The following ATAD2B variants were observed in gnomAD, a reference collection of about 807,000 sequenced individuals.
ATAD2B encodes ATPase family AAA domain containing 2B, also known as ATPase family AAA domain-containing protein 2B.
ATAD2B carries 40 observed loss-of-function variants against 167.6 expected under a neutral mutation model. The observed-to-expected ratio is 0.24, with a 90% confidence interval of 0.19 to 0.31. The LOEUF is 0.31. Ranked by LOEUF, ATAD2B falls within the 10% of genes least tolerant of loss-of-function variation. The pLI, the probability that ATAD2B is intolerant of heterozygous loss-of-function variation, is 1.00. For synonymous variants in ATAD2B, 579 were observed against 596.5 expected, an observed-to-expected ratio of 0.97 and a Z score of 0.43; for missense variants, 1,242 against 1,757.2, an observed-to-expected ratio of 0.71 and a Z score of 5.24.
chr2:23,714,405 A>ATTT, the ATAD2B span, among the ~76,000 whole-genome samples: 2 of 64,862 alleles, frequency 3.1e-5, no homozygotes, highest in Admixed American at 2.0e-4. Context: ...ACGCCCGGCA[A>ATTT]ATTTTTTTTT....
chr2:23,830,858 GT>G (rs1261353195), intron 14 of ATAD2B, among the ~76,000 whole-genome samples: 1 of 151,066 alleles, frequency 6.6e-6, no homozygotes, highest in East Asian at 1.9e-4. Context: ...TAAAGAACAT[GT>G]AAAAAAAAAA....
the ATAD2B span, among the ~76,000 whole-genome samples, chr2:23,718,864 A>G: frequency 6.6e-6 from 1 of 151,854 alleles, no homozygotes; most frequent in South Asian, 2.1e-4. Flanking sequence ...CATCACGCCA[A>G]CCTCTGCTTT....
At chr2:23,812,382 G>C (rs1235330157) in intron 17 of ATAD2B, among the ~76,000 whole-genome samples, 3 of 151,060 alleles carry the variant, frequency 2.0e-5, no homozygotes. Flanking sequence ...GAGTGAAACT[G>C]AGCCTGAACA....
chr2:23,743,575 A>G, the ATAD2B span, among the ~76,000 whole-genome samples: 3 of 151,892 alleles, frequency 2.0e-5, no homozygotes, highest in Non-Finnish European at 4.4e-5. Context: ...AAAAAAAAAA[A>G]AAAGAGAGAG....
the ATAD2B span, among the ~76,000 whole-genome samples, chr2:23,737,564 G>A: frequency 6.6e-6 from 1 of 152,084 alleles, no homozygotes; most frequent in African/African-American, 2.4e-5. Flanking sequence ...CACCTTCAAA[G>A]ACCAAAAGTA....
At chr2:23,880,788 G>A (rs201289288) in intron 6 of ATAD2B, 33 bp from the exon 7 acceptor site, 1 of 1,296,622 alleles carries the variant, frequency 7.7e-7, no homozygotes, top group Admixed American at 2.0e-5. Context: ...AAAAGAAAAA[G>A]GCATTATTTT....
chr2:23,861,971 C>T (rs1044131054), intron 12 of ATAD2B, among the ~76,000 whole-genome samples: 2 of 152,132 alleles, frequency 1.3e-5, no homozygotes, highest in Non-Finnish European at 2.9e-5. Flanking sequence ...GAGGCCAAGG[C>T]GGGAGGATAG....
At chr2:23,896,781 C>T (rs942264868) in intron 1 of ATAD2B, among the ~76,000 whole-genome samples, 4 of 152,142 alleles carry the variant, frequency 2.6e-5, no homozygotes, top group African/African-American at 9.7e-5. Context: ...GTTAATGGAC[C>T]TCCTCAGTCT....
intron 2 of ATAD2B, among the ~76,000 whole-genome samples, chr2:23,895,533 T>C (rs1252003534): frequency 6.6e-6 from 1 of 152,180 alleles, no homozygotes; most frequent in African/African-American, 2.4e-5. Context: ...TCTGACCATA[T>C]GTTTTATTTA....
At chr2:23,764,394 A>G (rs1048364024) in intron 23 of ATAD2B, among the ~76,000 whole-genome samples, 4 of 152,212 alleles carry the variant, frequency 2.6e-5, no homozygotes, top group African/African-American at 9.7e-5. Context: ...TGGCCTTAAT[A>G]TTCTCAGAGA....
At chr2:23,906,527 C>CCTAATAGACATTCCTAAT (rs1701519257) in intron 1 of ATAD2B, among the ~76,000 whole-genome samples, 1 of 152,016 alleles carries the variant, frequency 6.6e-6, no homozygotes, top group Non-Finnish European at 1.5e-5. Flanking sequence ...CCGCTTGGTG[C>CCTAATAGACATTCCTAAT]AGAGCTGAGT....
At chr2:23,721,996 T>C in the ATAD2B span, among the ~76,000 whole-genome samples, 5 of 152,226 alleles carry the variant, frequency 3.3e-5, no homozygotes, top group South Asian at 2.1e-4. Context: ...CTAGTGTGGA[T>C]TGCAGCTGAA....
intron 19 of ATAD2B, among the ~76,000 whole-genome samples, chr2:23,792,734 G>A (rs2149436173): frequency 6.6e-6 from 1 of 151,934 alleles, no homozygotes; most frequent in East Asian, 1.9e-4. Flanking sequence ...AGGCTGAGGT[G>A]GGTGGATCAC....
chr2:23,817,307 A>G (rs1686591552), intron 17 of ATAD2B, among the ~76,000 whole-genome samples: 1 of 152,218 alleles, frequency 6.6e-6, no homozygotes, highest in Admixed American at 6.5e-5. Flanking sequence ...TGTGTGCTTC[A>G]CTTTCCTCAT....
chr2:23,692,462 C>T, the ATAD2B span, among the ~76,000 whole-genome samples: 1 of 152,208 alleles, frequency 6.6e-6, no homozygotes, highest in Non-Finnish European at 1.5e-5. Context: ...GGGACAAAGA[C>T]GAAAGCCCCC....
chr2:23,726,868 C>A, the ATAD2B span, among the ~76,000 whole-genome samples: 1 of 152,092 alleles, frequency 6.6e-6, no homozygotes, highest in South Asian at 2.1e-4. Context: ...GAGATGGATG[C>A]CACTGATGGC....
At chr2:23,906,608 C>T (rs550148658) in intron 1 of ATAD2B, among the ~76,000 whole-genome samples, 2 of 152,092 alleles carry the variant, frequency 1.3e-5, no homozygotes, top group Non-Finnish European at 2.9e-5. Context: ...GGGTGTTAAA[C>T]TCATTTTATG....
chr2:23,707,256 G>A, the ATAD2B span: 4,968 of 152,350 alleles, frequency 0.033, 102 homozygotes, highest in South Asian at 0.087. Flanking sequence ...TGGGACAGCC[G>A]GGGAGCAGGG....
At chr2:23,739,516 CA>C in the ATAD2B span, among the ~76,000 whole-genome samples, 2 of 152,026 alleles carry the variant, frequency 1.3e-5, no homozygotes, top group African/African-American at 4.8e-5. Context: ...AACAAAGACA[CA>C]ACATACCAGA....
Sources: allele counts gnomAD v4.1 joint callset (sites outside exome capture counted in the v4.1 genomes callset), GRCh38; gene constraint gnomAD v4.1.1; transcripts MANE v1.5; gene names NCBI Gene and HGNC (gene_info 2026-07-23, HGNC 2026-07-21).